DNAJB13: variants seen among roughly 807,000 people sequenced by gnomAD.
DNAJB13 encodes the protein DnaJ heat shock protein family (Hsp40) member B13.
Under a neutral mutation model 35.6 loss-of-function variants are expected in DNAJB13, and 22 were observed. That is an observed-to-expected ratio of 0.62 (90% CI 0.44 to 0.88). DNAJB13 has a LOEUF of 0.88. DNAJB13 is among the 40% of genes least tolerant of loss of function. The pLI is 0.00. For missense variants in DNAJB13, 370 were observed against 384.3 expected (o/e 0.96, Z 0.31); for synonymous variants, 136 against 144.2 (o/e 0.94, Z 0.41).
chr11:73,960,759 G>A (rs1950911770), intron 3 of DNAJB13, among the ~76,000 whole-genome samples: 1 of 152,060 alleles, frequency 6.6e-6, no homozygotes, highest in Non-Finnish European at 1.5e-5. Context: ...AAGGAAATAG[G>A]GCCAAATTTT....
intron 5 of DNAJB13, among the ~76,000 whole-genome samples, chr11:73,967,554 G>A (rs548923787): frequency 1.3e-5 from 2 of 152,190 alleles, no homozygotes; most frequent in East Asian, 3.9e-4. Context: ...AGACCAGTCT[G>A]GGCAACATAG....
At chr11:73,960,560 G>C (rs1950904925) in intron 3 of DNAJB13, among the ~76,000 whole-genome samples, 1 of 151,888 alleles carries the variant, frequency 6.6e-6, no homozygotes, top group South Asian at 2.1e-4. Context: ...GACCTCAGGT[G>C]ATCTGCCCAC....
intron 3 of DNAJB13, 57 bp from the exon 4 acceptor site, chr11:73,964,821 G>GCA (rs1565175734): frequency 3.4e-6 from 5 of 1,481,354 alleles, no homozygotes; most frequent in African/African-American, 2.9e-5. Context: ...GTGCGCGCGC[G>GCA]CGCATGTCTG....
intron 1 of DNAJB13, among the ~76,000 whole-genome samples, chr11:73,953,680 A>C (rs1344731212): frequency 6.6e-6 from 1 of 152,154 alleles, no homozygotes; most frequent in African/African-American, 2.4e-5. Context: ...AGGCAGGCCC[A>C]GGCCTGGTTT....
intron 3 of DNAJB13, chr11:73,964,590 TG>T (rs370526467): frequency 5.2e-4 from 112 of 216,488 alleles, no homozygotes; most frequent in East Asian, 5.4e-4. Context: ...TTGGGCGGGG[TG>T]GGGGGGGAAT....
chr11:73,968,125 T>C, intron 5 of DNAJB13: 1 of 533,364 alleles, frequency 1.9e-6, no homozygotes, highest in South Asian at 3.0e-5. Flanking sequence ...ATTTTGGGCA[T>C]GCTCAGTACA....
intron 1 of DNAJB13, among the ~76,000 whole-genome samples, chr11:73,952,958 T>C (rs762297983): frequency 3.9e-5 from 6 of 152,220 alleles, no homozygotes; most frequent in Non-Finnish European, 7.3e-5. Flanking sequence ...GCATGGTGTT[T>C]CATGCCTGTA....
rs537038421 is a variant in DNAJB13 at position 73,957,273 on chromosome 11, G to A, written c.69-1044G>A. Among the ~76,000 whole-genome samples the A allele has an allele frequency of 9.2e-5, 14 of 152,348 alleles. No individual in the cohort carries two copies. In the South Asian group the frequency reaches 2.9e-3, roughly 32 times the overall value. On this transcript the variant is annotated intron_variant, in intron 1 of 7. Coordinates refer to ENST00000339764, the MANE Select transcript of DNAJB13 (RefSeq NM_153614.4). ...TCCTCCTATGGGGTCTCTTCAGTCA[G>A]CTGTGTCGCTTGACAGAAGGTCACA...
At chr11:73,954,643 A>AAAAAAAAAAAAT (rs1554989418) in intron 1 of DNAJB13, among the ~76,000 whole-genome samples, 1 of 132,170 alleles carries the variant, frequency 7.6e-6, no homozygotes, top group Non-Finnish European at 1.7e-5. Flanking sequence ...AAAAAAAAAT[A>AAAAAAAAAAAAT]AAATAAATAA....
chr11:73,958,870 A>T (rs1950839394), intron 2 of DNAJB13, among the ~76,000 whole-genome samples: 1 of 152,148 alleles, frequency 6.6e-6, no homozygotes, highest in Non-Finnish European at 1.5e-5. Context: ...AAAGGCCAGG[A>T]GTAATTAGGA....
At chr11:73,958,544 A>G (rs1029773024) in intron 2 of DNAJB13, 124 bp downstream of exon 2, 3 of 909,280 alleles carry the variant, frequency 3.3e-6, no homozygotes, top group Non-Finnish European at 5.1e-6. Flanking sequence ...TAGAATCTAG[A>G]CACACAGAGA....
At chr11:73,960,828 A>G (rs1490683911) in intron 3 of DNAJB13, among the ~76,000 whole-genome samples, 1 of 152,052 alleles carries the variant, frequency 6.6e-6, no homozygotes, top group East Asian at 1.9e-4. Flanking sequence ...ATGTTATACT[A>G]TATATAGATC....
At chr11:73,966,393 G>A (rs1267431180) in intron 5 of DNAJB13, 142 bp downstream of exon 5, 1 of 732,750 alleles carries the variant, frequency 1.4e-6, no homozygotes, top group Non-Finnish European at 2.3e-6. Context: ...TGCAGAGTGG[G>A]TGAGATGGGA....
In DNAJB13 at chr11:73,964,872, C is replaced by T. The variant is rs1403143157; in HGVS notation, c.335-6C>T. ...TTTCTCTTACTCCTCTCCCTACCTCCTGCAGAGTTTTTTGATGCAGAAGGA... is the reference window on the plus strand; with the variant it reads ...TTTCTCTTACTCCTCTCCCTACCTCTTGCAGAGTTTTTTGATGCAGAAGGA... On this transcript the variant is annotated splice_polypyrimidine_tract_variant and splice_region_variant and intron_variant, in intron 3 of 7. Coordinates refer to ENST00000339764, the MANE Select transcript of DNAJB13 (RefSeq NM_153614.4). The T allele has an allele frequency of 1.9e-6, 3 of 1,610,610 alleles. No individual in the cohort carries two copies. Among genetic ancestry groups the T allele is most frequent in the Non-Finnish European group, 2.5e-6 (3 of 1,178,788 alleles).
chr11:73,960,385 T>C (rs866006881), intron 3 of DNAJB13, among the ~76,000 whole-genome samples: 3 of 152,236 alleles, frequency 2.0e-5, no homozygotes, highest in Non-Finnish European at 2.9e-5. Context: ...TTTCACCATG[T>C]CTGCCAGGCT....
intron 5 of DNAJB13, among the ~76,000 whole-genome samples, chr11:73,967,305 T>A (rs541995051): frequency 8.5e-5 from 13 of 152,278 alleles, no homozygotes; most frequent in Admixed American, 8.5e-4. Flanking sequence ...CTATTAATAA[T>A]AATTTTAAAT....
chr11:73,958,346 C>T lies in DNAJB13; in HGVS notation c.98C>T (p.Pro33Leu), dbSNP rs1950820659. Residue 33 changes from proline to leucine, a missense_variant, in exon 2 of 8, where the codon CCG becomes CTG. Coordinates refer to ENST00000339764, the MANE Select transcript of DNAJB13 (RefSeq NM_153614.4). ...CGCAGACTCGCCCTTAAGCACCACC[C>T]GTTGAAGTCAAATGAGCCGTCTTCA... ...AYRRLALKHHPLKSNEPSSAE... is the reference protein window; with the variant it reads ...AYRRLALKHHLLKSNEPSSAE... 2.5e-6 allele frequency: 4 copies of T among 1,614,112 alleles called. No individual in the cohort carries two copies. Among genetic ancestry groups the T allele is most frequent in the Non-Finnish European group, 1.7e-6 (2 of 1,180,012 alleles).
intron 2 of DNAJB13, among the ~76,000 whole-genome samples, chr11:73,958,932 C>T (rs574600677): frequency 6.6e-6 from 1 of 152,302 alleles, no homozygotes; most frequent in Admixed American, 6.5e-5. Flanking sequence ...ATCCCCGCCC[C>T]GGCACCCAGG....
chr11:73,966,337 T>A, intron 5 of DNAJB13, 86 bp downstream of exon 5: 1 of 1,263,552 alleles, frequency 7.9e-7, no homozygotes, highest in Non-Finnish European at 1.1e-6. Flanking sequence ...AAGGAGGCAA[T>A]ACTTTTTCCT....
Sources: allele counts gnomAD v4.1 joint callset (sites outside exome capture counted in the v4.1 genomes callset), GRCh38; gene constraint gnomAD v4.1.1; transcripts MANE v1.5; gene names NCBI Gene and HGNC (gene_info 2026-07-23, HGNC 2026-07-21).